Variants in LRRC4C observed in about 807,000 individuals in gnomAD.
The protein encoded by LRRC4C is leucine rich repeat containing 4C.
Under a neutral mutation model 33.6 loss-of-function variants are expected in LRRC4C, and 5 were observed. That is an observed-to-expected ratio of 0.15 (90% CI 0.08 to 0.31). The LOEUF (loss-of-function observed/expected upper bound fraction) is 0.31, where lower values mean the gene tolerates loss of function less well. Ranked by LOEUF, LRRC4C falls within the 10% of genes least tolerant of loss-of-function variation. The pLI is 1.00. For missense variants in LRRC4C, 560 were observed against 796.7 expected, an observed-to-expected ratio of 0.70 and a Z score of 3.58; for synonymous variants, 329 against 302.0, an observed-to-expected ratio of 1.09 and a Z score of -0.93.
chr11:40,814,813 C>T (rs889524884), intron 2 of LRRC4C, among the ~76,000 whole-genome samples: 2 of 152,046 alleles, frequency 1.3e-5, no homozygotes, highest in African/African-American at 4.8e-5. Flanking sequence ...GACATTTACT[C>T]CAGTTCCCAA....
At chr11:41,195,490 A>C (rs894737341) in intron 1 of LRRC4C, among the ~76,000 whole-genome samples, 2 of 152,092 alleles carry the variant, frequency 1.3e-5, no homozygotes, top group Non-Finnish European at 2.9e-5. Context: ...ACTATCAAGG[A>C]GATAGACAAA....
At chr11:40,913,180 C>T (rs1350210318) in intron 2 of LRRC4C, among the ~76,000 whole-genome samples, 1 of 152,160 alleles carries the variant, frequency 6.6e-6, no homozygotes, top group African/African-American at 2.4e-5. Flanking sequence ...CTGAACTCAG[C>T]TCTGCACCAA....
At chr11:40,496,065 G>A (rs935722739) in intron 3 of LRRC4C, among the ~76,000 whole-genome samples, 7 of 151,738 alleles carry the variant, frequency 4.6e-5, no homozygotes, top group Non-Finnish European at 8.8e-5. Context: ...TCCCGACCTC[G>A]GGTGATCTGC....
intron 2 of LRRC4C, among the ~76,000 whole-genome samples, chr11:40,862,635 T>G (rs1214474126): frequency 6.6e-6 from 1 of 152,208 alleles, no homozygotes; most frequent in Non-Finnish European, 1.5e-5. Context: ...CAGCAATGTT[T>G]TCTTCTGAGA....
intron 1 of LRRC4C, among the ~76,000 whole-genome samples, chr11:41,105,719 A>G (rs1941455036): frequency 6.6e-6 from 1 of 152,054 alleles, no homozygotes; most frequent in South Asian, 2.1e-4. Flanking sequence ...TCGATGTACA[A>G]TTGGAGAGAT....
intron 3 of LRRC4C, among the ~76,000 whole-genome samples, chr11:40,430,601 A>G (rs971416151): frequency 3.3e-5 from 5 of 152,134 alleles, no homozygotes; most frequent in African/African-American, 7.2e-5. Context: ...CTGGCAAAAG[A>G]GACTTTGACT....
At chr11:41,074,786 A>G (rs765950033) in intron 1 of LRRC4C, among the ~76,000 whole-genome samples, 3 of 152,142 alleles carry the variant, frequency 2.0e-5, no homozygotes, top group Non-Finnish European at 4.4e-5. Context: ...AATGACTTTC[A>G]TTATGGAGTA....
intron 3 of LRRC4C, among the ~76,000 whole-genome samples, chr11:40,550,028 T>A (rs1348021931): frequency 6.6e-6 from 1 of 152,092 alleles, no homozygotes; most frequent in Non-Finnish European, 1.5e-5. Context: ...TCTAATATCA[T>A]CTTCACCTCA....
intron 1 of LRRC4C, among the ~76,000 whole-genome samples, chr11:41,302,612 G>C (rs746851006): frequency 2.0e-4 from 31 of 152,106 alleles, no homozygotes; most frequent in Non-Finnish European, 3.8e-4. Context: ...TAACAGAAGA[G>C]ATTTCTATTC....
At chr11:41,284,535 A>C (rs938094451) in intron 1 of LRRC4C, among the ~76,000 whole-genome samples, 2 of 152,138 alleles carry the variant, frequency 1.3e-5, no homozygotes, top group Non-Finnish European at 2.9e-5. Flanking sequence ...GCTAATTACC[A>C]CTGACGTCCA....
intron 1 of LRRC4C, among the ~76,000 whole-genome samples, chr11:41,215,849 T>G (rs1947038436): frequency 6.6e-6 from 1 of 152,184 alleles, no homozygotes; most frequent in Non-Finnish European, 1.5e-5. Context: ...GGACCTATGT[T>G]TTCATTTTGG....
At chr11:40,944,806 G>A (rs1485057536) in intron 1 of LRRC4C, among the ~76,000 whole-genome samples, 1 of 152,220 alleles carries the variant, frequency 6.6e-6, no homozygotes, top group Non-Finnish European at 1.5e-5. Flanking sequence ...GGCCATCTTG[G>A]CCCATATATT....
At chr11:40,612,101 T>C (rs1961283712) in intron 3 of LRRC4C, among the ~76,000 whole-genome samples, 1 of 151,876 alleles carries the variant, frequency 6.6e-6, no homozygotes, top group Non-Finnish European at 1.5e-5. Context: ...ATGTTTCTTA[T>C]AACATTATTC....
chr11:41,049,871 T>C (rs1835811071), intron 1 of LRRC4C, among the ~76,000 whole-genome samples: 1 of 152,182 alleles, frequency 6.6e-6, no homozygotes, highest in African/African-American at 2.4e-5. Flanking sequence ...AGACTTTGTC[T>C]TGCTAGTCTG....
chr11:40,941,759 TC>T (rs775049509), intron 1 of LRRC4C, among the ~76,000 whole-genome samples: 1 of 152,150 alleles, frequency 6.6e-6, no homozygotes, highest in East Asian at 1.9e-4. Context: ...TCACTAAGGA[TC>T]AAACAGTATG....
intron 3 of LRRC4C, among the ~76,000 whole-genome samples, chr11:40,608,291 A>T (rs1020401143): frequency 6.6e-6 from 1 of 152,150 alleles, no homozygotes; most frequent in Admixed American, 6.6e-5. Flanking sequence ...TGTAATTGAA[A>T]TTCAGTTGTC....
intron 2 of LRRC4C, among the ~76,000 whole-genome samples, chr11:40,815,749 G>C (rs76234533): frequency 0.01 from 1,535 of 152,232 alleles, 25 homozygotes; most frequent in African/African-American, 0.035. Context: ...TGCACTGGTT[G>C]ACCTGCACCT....
At chr11:41,072,273 G>A (rs1938745184) in intron 1 of LRRC4C, among the ~76,000 whole-genome samples, 1 of 2,512 alleles carries the variant, frequency 4.0e-4, no homozygotes, top group East Asian at 0.083. Flanking sequence ...TAATCAATGT[G>A]GCAAACATTG....
At chr11:40,739,541 A>G (rs1948058626) in intron 2 of LRRC4C, among the ~76,000 whole-genome samples, 1 of 152,062 alleles carries the variant, frequency 6.6e-6, no homozygotes, top group Non-Finnish European at 1.5e-5. Flanking sequence ...TATATATGTA[A>G]TATGGTTAGA....
Sources: allele counts gnomAD v4.1 joint callset (sites outside exome capture counted in the v4.1 genomes callset), GRCh38; gene constraint gnomAD v4.1.1; transcripts MANE v1.5; gene names NCBI Gene and HGNC (gene_info 2026-07-23, HGNC 2026-07-21).